Variants in FRMD5 observed in about 807,000 individuals in gnomAD.
FRMD5 encodes FERM domain containing 5.
FRMD5 carries 20 observed loss-of-function variants against 69.0 expected under a neutral mutation model. The ratio of observed to expected loss-of-function variants is 0.29; its 90% CI spans 0.20 to 0.42. FRMD5 has a LOEUF of 0.42. Among genes scored for constraint, FRMD5 ranks in the 10% least tolerant of loss-of-function variants. The pLI is 1.00. For missense variants in FRMD5, 595 were observed against 708.6 expected, an observed-to-expected ratio of 0.84 and a Z score of 1.82; for synonymous variants, 271 against 260.1, an observed-to-expected ratio of 1.04 and a Z score of -0.40.
At position 44,081,072 on chromosome 15, in the gene FRMD5, A is replaced by G. The variant is rs1893977145; in HGVS notation, c.102+113881T>C. 2.6e-5 allele frequency among the ~76,000 whole-genome samples: 4 copies of G among 152,096 alleles called. 1 individual carries two copies. The South Asian group carries it at 8.3e-4, about 32-fold the overall frequency. ...TGAGGATCATGGCATAGAGATTCAC[A>G]GCCAAAAATAAGGCAGGAGGTCAAG... On this transcript the variant is annotated intron_variant, in intron 1 of 13. Transcript: ENST00000417257.
chr15:43,875,390 A>ATG (rs1555465624), intron 13 of FRMD5, among the ~76,000 whole-genome samples: 2,194 of 124,388 alleles, frequency 0.018, 49 homozygotes, highest in African/African-American at 0.056. Flanking sequence ...ATATATATAT[A>ATG]TATGTATGTA....
intron 1 of FRMD5, among the ~76,000 whole-genome samples, chr15:43,927,818 A>G: frequency 6.6e-6 from 1 of 151,712 alleles, no homozygotes; most frequent in Non-Finnish European, 1.5e-5. Context: ...TTGCTTCCAT[A>G]CATACAACAA....
At chr15:43,964,248 T>C (rs895871250) in intron 1 of FRMD5, among the ~76,000 whole-genome samples, 8 of 152,098 alleles carry the variant, frequency 5.3e-5, no homozygotes, top group African/African-American at 1.9e-4. Flanking sequence ...CAAAAGTCCT[T>C]ATAAATATAA....
chr15:44,050,656 CTT>C (rs34621458), intron 1 of FRMD5, among the ~76,000 whole-genome samples: 1,917 of 142,410 alleles, frequency 0.013, 45 homozygotes, highest in African/African-American at 0.041. Flanking sequence ...GCACACTGGC[CTT>C]TTTTTTTTTT....
intron 1 of FRMD5, among the ~76,000 whole-genome samples, chr15:44,046,098 C>T (rs529097225): frequency 2.6e-5 from 4 of 152,106 alleles, no homozygotes; most frequent in African/African-American, 7.2e-5. Context: ...AGCATAATAC[C>T]CTGGACAGAG....
chr15:44,063,748 A>G, intron 1 of FRMD5: 1 of 326,664 alleles, frequency 3.1e-6, no homozygotes, highest in Non-Finnish European at 5.9e-6. Context: ...CTTCCAAGAG[A>G]GAGATCCCAC....
intron 1 of FRMD5, among the ~76,000 whole-genome samples, chr15:44,168,236 A>G (rs1043782385): frequency 6.6e-6 from 1 of 152,246 alleles, no homozygotes; most frequent in South Asian, 2.1e-4. Context: ...GGCTGTTTAA[A>G]CACAAGTCTT....
intron 7 of FRMD5, among the ~76,000 whole-genome samples, chr15:43,896,806 T>G (rs931483359): frequency 6.6e-6 from 1 of 152,222 alleles, no homozygotes; most frequent in African/African-American, 2.4e-5. Flanking sequence ...TCAATTTTGA[T>G]GAATGAAGCC....
chr15:43,937,375 T>C (rs2089778532), intron 1 of FRMD5, among the ~76,000 whole-genome samples: 1 of 152,120 alleles, frequency 6.6e-6, no homozygotes, highest in Admixed American at 6.5e-5. Flanking sequence ...CGGCCAGGCG[T>C]GGAGGCTCAT....
At chr15:44,018,221 A>G (rs143826264) in intron 1 of FRMD5, among the ~76,000 whole-genome samples, 13 of 152,332 alleles carry the variant, frequency 8.5e-5, no homozygotes, top group African/African-American at 2.9e-4. Context: ...AAACTTCAAA[A>G]AGCACTTTTG....
At chr15:43,908,104 A>G (rs1412476537) in intron 5 of FRMD5, among the ~76,000 whole-genome samples, 2 of 152,162 alleles carry the variant, frequency 1.3e-5, no homozygotes, top group African/African-American at 4.8e-5. Context: ...CTTTAAAAAT[A>G]AAAGGGGCAC....
intron 1 of FRMD5, among the ~76,000 whole-genome samples, chr15:44,184,376 G>A (rs1480793592): frequency 6.6e-6 from 1 of 152,146 alleles, no homozygotes; most frequent in Non-Finnish European, 1.5e-5. Context: ...GAATCTTTAG[G>A]TTGGAGTTTC....
At chr15:44,114,700 AAAAG>A (rs2076844533) in intron 1 of FRMD5, among the ~76,000 whole-genome samples, 1 of 152,232 alleles carries the variant, frequency 6.6e-6, no homozygotes, top group Non-Finnish European at 1.5e-5. Flanking sequence ...TACACTTTTA[AAAAG>A]AAAGAAATCT....
intron 1 of FRMD5, among the ~76,000 whole-genome samples, chr15:43,930,810 C>G (rs778341920): frequency 2.6e-5 from 4 of 152,122 alleles, no homozygotes; most frequent in Non-Finnish European, 4.4e-5. Context: ...AGGATGTGCA[C>G]GTGGGGTGGG....
Position 43,873,155 on chromosome 15 carries a change from A to G in FRMD5, c.*730T>C, listed in dbSNP as rs2088208669. 3 of 1,548,212 alleles carry G rather than the reference A, an allele frequency of 1.9e-6. No individual in the cohort carries two copies. The highest frequency in any genetic ancestry group is 1.4e-5 in the African/African-American group (1 of 73,000). ...GGTGATGCCCACTAGGCTCTAGACT[A>G]AGGGGACAGACTTACCCCACCCCTG... On this transcript the variant is annotated 3_prime_UTR_variant, in exon 14 of 14. Coordinates refer to ENST00000417257, the MANE Select transcript of FRMD5 (RefSeq NM_032892.5).
At chr15:44,129,504 C>G (rs1331332840) in intron 1 of FRMD5, among the ~76,000 whole-genome samples, 1 of 152,084 alleles carries the variant, frequency 6.6e-6, no homozygotes, top group Non-Finnish European at 1.5e-5. Context: ...ATCCTGTCAT[C>G]TATATCTCAG....
At chr15:43,999,628 T>C (rs1190908910) in intron 1 of FRMD5, among the ~76,000 whole-genome samples, 1 of 152,120 alleles carries the variant, frequency 6.6e-6, no homozygotes, top group Non-Finnish European at 1.5e-5. Context: ...ACTACTTTTT[T>C]ACTCTTTTTA....
intron 1 of FRMD5, among the ~76,000 whole-genome samples, chr15:43,960,127 C>T (rs1471685046): frequency 5.3e-5 from 8 of 151,884 alleles, no homozygotes; most frequent in Admixed American, 2.6e-4. Context: ...CTCGCTCTGT[C>T]GCCCAGGCTG....
At chr15:43,917,264 G>A (rs1438372047) in intron 4 of FRMD5, among the ~76,000 whole-genome samples, 1 of 152,218 alleles carries the variant, frequency 6.6e-6, no homozygotes, top group Middle Eastern at 3.2e-3. Context: ...GTAGACAGGA[G>A]TACCAACTTT....
Sources: gnomAD v4.1 joint callset for allele counts (sites outside exome capture counted in the v4.1 genomes callset) on GRCh38, gnomAD v4.1.1 for gene constraint, MANE v1.5 for transcripts, NCBI Gene and HGNC (gene_info 2026-07-23, HGNC 2026-07-21) for gene names.